LRRIQ4: variants seen among roughly 807,000 people sequenced by gnomAD.
The protein encoded by LRRIQ4 is leucine-rich repeat and IQ domain-containing protein 4.
A neutral mutation model predicts 40.1 loss-of-function variants in LRRIQ4; 21 were observed. That is an observed-to-expected ratio of 0.52 (90% CI 0.37 to 0.75). LRRIQ4 has a LOEUF of 0.75. Among genes scored for constraint, LRRIQ4 ranks in the 30% least tolerant of loss-of-function variants. LRRIQ4 has a pLI of 0.00. For missense variants in LRRIQ4, 655 were observed against 660.0 expected (o/e 0.99, Z 0.08); for synonymous variants, 277 against 277.1 (o/e 1.00, Z 0.00).
intron 5 of LRRIQ4, 49 bp downstream of exon 5, chr3:169,833,232 A>G (rs749745967): frequency 2.0e-6 from 3 of 1,479,292 alleles, no homozygotes; most frequent in African/African-American, 2.8e-5. Flanking sequence ...AGGGAGTCTA[A>G]TGGTAAACAC....
At chr3:169,819,401 A>C (rs189141759) in intron 1 of LRRIQ4, among the ~76,000 whole-genome samples, 1 of 152,368 alleles carries the variant, frequency 6.6e-6, no homozygotes, top group Non-Finnish European at 1.5e-5. Context: ...AGAAAGATGA[A>C]TGCTAAGAGA....
chr3:169,831,984 T>G (rs868521568), intron 4 of LRRIQ4, among the ~76,000 whole-genome samples: 2 of 142,284 alleles, frequency 1.4e-5, no homozygotes, highest in South Asian at 2.2e-4. Context: ...TTAAAAAATT[T>G]AAAAAAAAAA....
chr3:169,817,047 T>TC (rs201567560), intron 1 of LRRIQ4, among the ~76,000 whole-genome samples: 2,385 of 152,336 alleles, frequency 0.016, 65 homozygotes, highest in African/African-American at 0.054. Flanking sequence ...TTTGAAGTTT[T>TC]CTGCTTTTTT....
rs765355897 is a variant in LRRIQ4 at position 169,821,907 on chromosome 3, C to A, written c.-15C>A. The A allele has an allele frequency of 3.6e-6, 5 of 1,393,454 alleles. No individual in the cohort carries two copies. The highest frequency in any genetic ancestry group is 4.7e-6 in the Non-Finnish European group (5 of 1,065,324). The allele number at this position is 1,393,454 out of a possible 1,614,324, so 86.3% of individuals were successfully genotyped here. On this transcript the variant is annotated 5_prime_UTR_variant, in exon 2 of 6. Transcript: ENST00000340806. Reference sequence around the variant, plus strand: ...ATATTTCAGATTTTGAATATTTGAGCTTTTCTTCACAATAATGTCAAAAGA... The same window carrying A: ...ATATTTCAGATTTTGAATATTTGAGATTTTCTTCACAATAATGTCAAAAGA...
intron 2 of LRRIQ4, among the ~76,000 whole-genome samples, chr3:169,824,867 T>C (rs74428290): frequency 0.069 from 10,516 of 152,042 alleles, 470 homozygotes; most frequent in Middle Eastern, 0.12. Context: ...AAGACAACTG[T>C]AGAGGGAGTA....
intron 1 of LRRIQ4, among the ~76,000 whole-genome samples, chr3:169,814,860 T>C (rs1298574996): frequency 1.3e-5 from 2 of 152,206 alleles, no homozygotes; most frequent in African/African-American, 2.4e-5. Context: ...CATATGGATA[T>C]CCAGTTTTCC....
At position 169,822,947 on chromosome 3, in the gene LRRIQ4, G is replaced by C; in HGVS notation, c.1020+6G>C. On this transcript the variant is annotated splice_donor_region_variant and intron_variant, in intron 2 of 5. Transcript: ENST00000340806. ...ATGACAATAAAATAGGACAGGTACG[G>C]ATTCCTTTTCTGGCTGTCACTATGC... 1 of 1,510,586 alleles carries C rather than the reference G, an allele frequency of 6.6e-7. No individual in the cohort carries two copies. The highest frequency in any genetic ancestry group is 8.8e-7 in the Non-Finnish European group (1 of 1,130,434). 93.6% of individuals were successfully genotyped at this position (1,510,586 alleles called of 1,614,324 possible). A position where few individuals can be genotyped will look rare whatever the true frequency, so the allele number is the denominator to read the frequency against.
At chr3:169,815,552 A>G (rs1438197104) in intron 1 of LRRIQ4, among the ~76,000 whole-genome samples, 1 of 152,038 alleles carries the variant, frequency 6.6e-6, no homozygotes, top group Non-Finnish European at 1.5e-5. Context: ...AGTCTTAAGG[A>G]TTTTCCAAAT....
At chr3:169,836,835 A>G (rs1780314608) in intron 5 of LRRIQ4, among the ~76,000 whole-genome samples, 1 of 152,196 alleles carries the variant, frequency 6.6e-6, no homozygotes. Flanking sequence ...GGAGGCCCGC[A>G]TGGCTGGAGC....
intron 4 of LRRIQ4, among the ~76,000 whole-genome samples, chr3:169,832,219 C>G (rs1780195780): frequency 6.6e-6 from 1 of 151,970 alleles, no homozygotes; most frequent in Non-Finnish European, 1.5e-5. Flanking sequence ...CCTGTAATTC[C>G]AGCACTTTGG....
At chr3:169,815,538 G>C (rs1043177580) in intron 1 of LRRIQ4, among the ~76,000 whole-genome samples, 6 of 151,774 alleles carry the variant, frequency 4.0e-5, no homozygotes, top group Admixed American at 1.3e-4. Context: ...ATTTTTTTTG[G>C]TGGAGTCTTA....
rs267599688 is a variant in LRRIQ4, at chr3:169,822,219, G to A, written c.298G>A (p.Asp100Asn). Residue 100 changes from aspartate (D) to asparagine (N), a missense_variant, in exon 2 of 6, where the codon GAC becomes AAC. Coordinates refer to ENST00000340806, the MANE Select transcript of LRRIQ4 (RefSeq NM_001080460.3). ...LGLLSSLESL[D>N]LSYNPIFSSS... ...GCTGCTGAGCAGCCTGGAGAGCCTG[G>A]ACCTGAGCTACAACCCCATCTTCTC... 1 of 1,603,520 alleles carries A rather than the reference G, an allele frequency of 6.2e-7. No individual in the cohort carries two copies. Among genetic ancestry groups the A allele is most frequent in the South Asian group, 1.1e-5 (1 of 89,350 alleles).
chr3:169,824,395 T>C (rs1019711216), intron 2 of LRRIQ4, among the ~76,000 whole-genome samples: 3 of 152,184 alleles, frequency 2.0e-5, no homozygotes, highest in Non-Finnish European at 4.4e-5. Context: ...GGGACTGAAC[T>C]TAATTGCAGT....
chr3:169,821,030 A>G (rs186079802), intron 1 of LRRIQ4, among the ~76,000 whole-genome samples: 1 of 152,186 alleles, frequency 6.6e-6, no homozygotes, highest in African/African-American at 2.4e-5. Context: ...GCCTGTGCCT[A>G]TTAAAGGGTT....
intron 1 of LRRIQ4, among the ~76,000 whole-genome samples, chr3:169,821,165 T>G (rs1201085086): frequency 1.3e-5 from 2 of 152,224 alleles, no homozygotes; most frequent in Non-Finnish European, 2.9e-5. Flanking sequence ...TGTTGTTGTT[T>G]TTGTTTTTGT....
At chr3:169,825,326 G>C (rs553642032) in intron 2 of LRRIQ4, among the ~76,000 whole-genome samples, 5 of 152,232 alleles carry the variant, frequency 3.3e-5, no homozygotes, top group African/African-American at 1.2e-4. Flanking sequence ...TCTTTTATTT[G>C]ATTTTTTATT....
chr3:169,814,363 C>T (rs1469753965), intron 1 of LRRIQ4, among the ~76,000 whole-genome samples: 2 of 152,180 alleles, frequency 1.3e-5, no homozygotes, highest in African/African-American at 4.8e-5. Context: ...TGGTGCCTGT[C>T]GGTGTGCTCT....
intron 4 of LRRIQ4, among the ~76,000 whole-genome samples, chr3:169,831,202 GTTTC>G (rs1011411646): frequency 9.6e-5 from 9 of 93,924 alleles, no homozygotes; most frequent in African/African-American, 3.6e-4. Context: ...GATTTTAAAT[GTTTC>G]TTTTTTTTTT....
chr3:169,816,549 A>AG (rs1560608104), intron 1 of LRRIQ4, among the ~76,000 whole-genome samples: 4 of 151,836 alleles, frequency 2.6e-5, no homozygotes, highest in African/African-American at 9.7e-5. Context: ...AATCTGGCTA[A>AG]AAGTTTATTG....
Sources: allele counts gnomAD v4.1 joint callset (sites outside exome capture counted in the v4.1 genomes callset), GRCh38; gene constraint gnomAD v4.1.1; transcripts MANE v1.5; gene names NCBI Gene and HGNC (gene_info 2026-07-23, HGNC 2026-07-21).